Variants in PCSK6 observed in about 807,000 individuals in gnomAD.
PCSK6 encodes proprotein convertase subtilisin/kexin type 6.
In PCSK6, 85 loss-of-function variants were observed where a neutral mutation model predicts 123.3. The ratio of observed to expected loss-of-function variants is 0.69; its 90% CI spans 0.58 to 0.83. PCSK6 has a LOEUF of 0.83. Ranked by LOEUF, PCSK6 falls within the 40% of genes least tolerant of loss-of-function variation. The pLI is 0.00. For missense variants in PCSK6, 1,191 were observed against 1,282.3 expected, an observed-to-expected ratio of 0.93 and a Z score of 1.09; for synonymous variants, 508 against 516.0, an observed-to-expected ratio of 0.98 and a Z score of 0.21.
rs1334690598 is a variant in PCSK6 at position 101,351,065 on chromosome 15, T to C, written c.1858+15131A>G. ...GTCATTATCTGTGCTTCAGGGTTACTCACATCTGTTCTATCTACACAGGGG... is the reference window on the plus strand; with the variant it reads ...GTCATTATCTGTGCTTCAGGGTTACCCACATCTGTTCTATCTACACAGGGG... On this transcript the variant is annotated intron_variant, in intron 13 of 21. Coordinates refer to ENST00000611716, the MANE Select transcript of PCSK6 (RefSeq NM_002570.5). Among the ~76,000 whole-genome samples the C allele has an allele frequency of 2.0e-5, 3 of 152,116 alleles. No individual in the cohort carries two copies. The East Asian group carries it at 5.8e-4, about 29-fold the overall frequency.
At chr15:101,434,663 G>A (rs575859937) in intron 2 of PCSK6, among the ~76,000 whole-genome samples, 1 of 152,232 alleles carries the variant, frequency 6.6e-6, no homozygotes, top group Admixed American at 6.5e-5. Context: ...CCTGCTCATT[G>A]TAAGTCTCTG....
chr15:101,326,535 A>G (rs1041789362), intron 15 of PCSK6, 56 bp from the exon 16 acceptor site: 109 of 1,452,198 alleles, frequency 7.5e-5, no homozygotes, highest in Non-Finnish European at 9.2e-5. Context: ...CATCTACTGC[A>G]GTCCCGCGGA....
intron 15 of PCSK6, among the ~76,000 whole-genome samples, chr15:101,331,443 C>T (rs1008529513): frequency 6.6e-6 from 1 of 152,158 alleles, no homozygotes; most frequent in African/African-American, 2.4e-5. Context: ...TAACTGTGTC[C>T]TTCCCACATC....
chr15:101,456,561 G>A (rs1285470515), intron 1 of PCSK6, among the ~76,000 whole-genome samples: 1 of 152,186 alleles, frequency 6.6e-6, no homozygotes, highest in South Asian at 2.1e-4. Flanking sequence ...CCAGGGGAGA[G>A]GCTGACAGGA....
At chr15:101,445,288 C>G (rs1219595119) in intron 1 of PCSK6, among the ~76,000 whole-genome samples, 3 of 152,160 alleles carry the variant, frequency 2.0e-5, no homozygotes, top group African/African-American at 7.2e-5. Flanking sequence ...TAATGTGACC[C>G]TTCCCTCTGG....
chr15:101,438,027 G>A (rs1239176368), intron 2 of PCSK6, among the ~76,000 whole-genome samples: 1 of 152,186 alleles, frequency 6.6e-6, no homozygotes, highest in East Asian at 1.9e-4. Context: ...AGAGCCACTC[G>A]CAGAGAGGGA....
intron 6 of PCSK6, among the ~76,000 whole-genome samples, chr15:101,414,350 CACAT>C (rs1315189205): frequency 6.6e-6 from 1 of 151,870 alleles, no homozygotes; most frequent in Non-Finnish European, 1.5e-5. Flanking sequence ...ATAAAAAAAT[CACAT>C]ACAAAGATGT....
At chr15:101,364,724 G>A in intron 13 of PCSK6, 1 of 426,276 alleles carries the variant, frequency 2.3e-6, no homozygotes, top group South Asian at 8.1e-5. Context: ...TGTTAATGTG[G>A]AAATATTCCC....
intron 13 of PCSK6, among the ~76,000 whole-genome samples, chr15:101,362,487 CCCAGGAGTG>C (rs2041260612): frequency 6.6e-6 from 1 of 152,054 alleles, no homozygotes; most frequent in Non-Finnish European, 1.5e-5. Context: ...GAGCAGAGGA[CCCAGGAGTG>C]CGTGCAGGGG....
chr15:101,355,473 A>C (rs897744390), intron 13 of PCSK6, among the ~76,000 whole-genome samples: 2 of 152,224 alleles, frequency 1.3e-5, no homozygotes, highest in Non-Finnish European at 2.9e-5. Flanking sequence ...CCAACTCAGT[A>C]AAGTTTGGGC....
chr15:101,453,252 TG>T (rs1283944675), intron 1 of PCSK6, among the ~76,000 whole-genome samples: 1 of 152,208 alleles, frequency 6.6e-6, no homozygotes, highest in Non-Finnish European at 1.5e-5. Context: ...AGGTGACCTC[TG>T]GGGTAGGGAG....
At position 101,313,581 on chromosome 15, in the gene PCSK6, T is replaced by C. The variant is rs1413867584; in HGVS notation, c.2570-76A>G. 6.6e-6 allele frequency: 10 copies of C among 1,525,962 alleles called. No homozygotes were observed. The East Asian group carries it at 2.3e-4, about 35-fold the overall frequency. The allele number at this position is 1,525,962 out of a possible 1,614,324, so 94.5% of individuals were successfully genotyped here. ...CATGCCCCAGGCCTGCTTCAGGGCCTTGTGAGATCAGGGGTACCATTCAGG... is the reference window on the plus strand; with the variant it reads ...CATGCCCCAGGCCTGCTTCAGGGCCCTGTGAGATCAGGGGTACCATTCAGG... On this transcript the variant is annotated intron_variant, in intron 19 of 21. Coordinates refer to ENST00000611716, the MANE Select transcript of PCSK6 (RefSeq NM_002570.5).
At chr15:101,332,129 T>A in intron 13 of PCSK6, 98 bp from the exon 14 acceptor site, 7 of 1,136,992 alleles carry the variant, frequency 6.2e-6, no homozygotes, top group Non-Finnish European at 7.4e-6. Context: ...CCCTGATAGC[T>A]GGGCTCTGGC....
chr15:101,331,716 A>G, intron 14 of PCSK6, 27 bp from the exon 15 acceptor site: 12 of 1,585,436 alleles, frequency 7.6e-6, no homozygotes, highest in Non-Finnish European at 1.0e-5. Context: ...TGCCATGATT[A>G]TTATGACTCC....
Position 101,347,874 on chromosome 15 carries a change from G to T in PCSK6, c.1859-15843C>A, listed in dbSNP as rs547386762. On this transcript the variant is annotated intron_variant, in intron 13 of 21. Transcript: ENST00000611716. Reference sequence around the variant, plus strand: ...GGAGTGGAGGGCAGCAGGAGGAAGCGCCCGGGGTTGACAAATGGAAGGAGC... The same window carrying T: ...GGAGTGGAGGGCAGCAGGAGGAAGCTCCCGGGGTTGACAAATGGAAGGAGC... 5 of 919,916 alleles carry T rather than the reference G, an allele frequency of 5.4e-6. No individual in the cohort carries two copies. The African/African-American group carries it at 6.5e-5, about 12-fold the overall frequency. The allele number at this position is 919,916 out of a possible 1,614,324, so 57.0% of individuals were successfully genotyped here. A position where few individuals can be genotyped will look rare whatever the true frequency, so the allele number is the denominator to read the frequency against.
intron 9 of PCSK6, among the ~76,000 whole-genome samples, chr15:101,385,392 G>A (rs1352261586): frequency 3.3e-5 from 5 of 151,996 alleles, no homozygotes; most frequent in African/African-American, 1.2e-4. Flanking sequence ...AAGCCCCTCT[G>A]CCCACAGCAA....
At position 101,342,129 on chromosome 15, in the gene PCSK6, C is replaced by CAAAAAAA. The variant is rs35083182; in HGVS notation, c.1859-10105_1859-10099dup. Among the ~76,000 whole-genome samples, 152 of 51,458 alleles carry CAAAAAAA rather than the reference C, an allele frequency of 3.0e-3. 4 individuals are homozygous for CAAAAAAA. Among genetic ancestry groups the CAAAAAAA allele is most frequent in the East Asian group, 3.8e-3 (10 of 2,634 alleles). The allele number at this position is 51,458 out of a possible 152,430, so 33.8% of individuals were successfully genotyped here. A position where few individuals can be genotyped will look rare whatever the true frequency, so the allele number is the denominator to read the frequency against. ...TGGGAAACAGAGTAAGACCCTGTCT[C>CAAAAAAA]AAAAAAAAAAAAAAAAAAAAAAAAG... On this transcript the variant is annotated intron_variant, in intron 13 of 21. Transcript: ENST00000611716.
chr15:101,404,942 C>CA (rs997688413), intron 6 of PCSK6, among the ~76,000 whole-genome samples: 1 of 152,118 alleles, frequency 6.6e-6, no homozygotes, highest in African/African-American at 2.4e-5. Context: ...AGAAGACATC[C>CA]AAAAATACAT....
At chr15:101,362,306 T>C (rs960575097) in intron 13 of PCSK6, among the ~76,000 whole-genome samples, 5 of 152,120 alleles carry the variant, frequency 3.3e-5, no homozygotes, top group African/African-American at 1.2e-4. Context: ...GTTTGGGAGT[T>C]TGTCTAAGGT....
Sources: allele counts gnomAD v4.1 joint callset (sites outside exome capture counted in the v4.1 genomes callset), GRCh38; gene constraint gnomAD v4.1.1; transcripts MANE v1.5; gene names NCBI Gene and HGNC (gene_info 2026-07-23, HGNC 2026-07-21).